Variants in TMTC1 observed in about 807,000 individuals in gnomAD.
The protein encoded by TMTC1 is transmembrane O-mannosyltransferase targeting cadherins 1.
Under a neutral mutation model 104.8 loss-of-function variants are expected in TMTC1, and 73 were observed. That is an observed-to-expected ratio of 0.70 (90% confidence interval 0.58 to 0.85). The LOEUF (loss-of-function observed/expected upper bound fraction) is 0.85. Among genes scored for constraint, TMTC1 ranks in the 40% least tolerant of loss-of-function variants. The pLI, the probability that TMTC1 is intolerant of heterozygous loss-of-function variation, is 0.00. For synonymous variants in TMTC1, 434 were observed against 428.7 expected, an observed-to-expected ratio of 1.01 and a Z score of -0.15; for missense variants, 1,035 against 1,096.1, an observed-to-expected ratio of 0.94 and a Z score of 0.79.
At chr12:29,549,945 G>C (rs998089739) in intron 10 of TMTC1, among the ~76,000 whole-genome samples, 23 of 152,154 alleles carry the variant, frequency 1.5e-4, no homozygotes, top group Admixed American at 1.4e-3. Context: ...TTGGATGACA[G>C]TCTAGAGTCC....
At chr12:29,708,343 CTTTA>C (rs1342341225) in intron 5 of TMTC1, among the ~76,000 whole-genome samples, 2 of 152,166 alleles carry the variant, frequency 1.3e-5, no homozygotes, top group South Asian at 2.1e-4. Context: ...ACTTAATGCA[CTTTA>C]TTTATTAAAT....
rs552161870 is a variant in TMTC1, at chr12:29,774,068, G to A, written c.303-5993C>T. 9.9e-5 allele frequency among the ~76,000 whole-genome samples: 15 copies of A among 152,228 alleles called. 1 individual carries two copies. The Middle Eastern group carries it at 0.014, about 138-fold the overall frequency. On this transcript the variant is annotated intron_variant, in intron 1 of 17. Coordinates refer to ENST00000539277, the MANE Select transcript of TMTC1 (RefSeq NM_001193451.2). Reference sequence around the variant, plus strand: ...TGCAGGTGGCATGTGATAAACGCATGCCAGCATTCCTATCTCAATAAGCCT... The same window carrying A: ...TGCAGGTGGCATGTGATAAACGCATACCAGCATTCCTATCTCAATAAGCCT...
intron 11 of TMTC1, among the ~76,000 whole-genome samples, chr12:29,523,593 G>T (rs890523215): frequency 6.6e-6 from 1 of 152,146 alleles, no homozygotes; most frequent in Non-Finnish European, 1.5e-5. Flanking sequence ...AAAATTGAGA[G>T]GTGAACCAAA....
At position 29,728,693 on chromosome 12, in the gene TMTC1, T is replaced by G. The variant is rs141864591; in HGVS notation, c.938+22973A>C. Among the ~76,000 whole-genome samples, 3 of 151,988 alleles carry G rather than the reference T, an allele frequency of 2.0e-5. No individual in the cohort carries two copies. The East Asian group carries it at 5.8e-4, about 30-fold the overall frequency. The stretch of plus-strand genomic sequence containing the variant: ...CATCCCCAGAAAATTCCCAAAAACG[T>G]GAAGGCTTAAAAAGCACTGCTCTGG... On this transcript the variant is annotated intron_variant, in intron 5 of 17. Transcript: ENST00000539277.
chr12:29,758,722 G>C lies in TMTC1; in HGVS notation c.536C>G (p.Ala179Gly), dbSNP rs758056381. The change falls in exon 3 of 18, where the codon GCC becomes GGC. Residue 179 changes from alanine to glycine, a missense_variant. Ala to Gly is a moderately conservative substitution (Grantham distance 60). Coordinates refer to ENST00000539277, the MANE Select transcript of TMTC1 (RefSeq NM_001193451.2). Reference protein sequence around the residue: ...DVLACLLFLLAFLSYNRSLDQ... With the variant: ...DVLACLLFLLGFLSYNRSLDQ... Reference sequence around the variant, plus strand: ...CACATACCTGTTGTACGAGAGAAAGGCCAATAGAAACAGCAGACACGCTAA... The same window carrying C: ...CACATACCTGTTGTACGAGAGAAAGCCCAATAGAAACAGCAGACACGCTAA... 6.2e-7 allele frequency: 1 copy of C among 1,613,636 alleles called. No homozygotes were observed. The highest frequency in any genetic ancestry group is 1.1e-5 in the South Asian group (1 of 91,002).
intron 7 of TMTC1, among the ~76,000 whole-genome samples, chr12:29,583,956 C>T (rs142515474): frequency 1.2e-3 from 178 of 152,228 alleles, no homozygotes; most frequent in African/African-American, 4.0e-3. Context: ...TGGCACTATG[C>T]GCCTAAATTC....
At chr12:29,507,092 T>C in intron 17 of TMTC1, 106 bp from the exon 18 acceptor site, 4 of 898,626 alleles carry the variant, frequency 4.5e-6, no homozygotes, top group Non-Finnish European at 7.1e-6. Flanking sequence ...TACATTAATG[T>C]TCTCATATGG....
At chr12:29,781,671 T>A (rs570575391) in intron 1 of TMTC1, among the ~76,000 whole-genome samples, 13 of 151,976 alleles carry the variant, frequency 8.6e-5, no homozygotes, top group South Asian at 6.2e-4. Context: ...ACAAAAAAAA[T>A]TTTAAAATAT....
chr12:29,735,325 G>A (rs1316517966), intron 5 of TMTC1, among the ~76,000 whole-genome samples: 1 of 152,166 alleles, frequency 6.6e-6, no homozygotes, highest in Non-Finnish European at 1.5e-5. Context: ...ATTATTAGCT[G>A]CATTTTTGCA....
intron 6 of TMTC1, 22 bp from the exon 7 acceptor site, chr12:29,604,321 G>A: frequency 6.2e-7 from 1 of 1,613,250 alleles, no homozygotes; most frequent in Non-Finnish European, 8.5e-7. Flanking sequence ...AATAGTGAAG[G>A]AAACATTAAC....
At chr12:29,631,638 C>T (rs543140434) in intron 6 of TMTC1, among the ~76,000 whole-genome samples, 15 of 152,196 alleles carry the variant, frequency 9.9e-5, no homozygotes, top group South Asian at 2.1e-4. Context: ...CCTGTTTCTT[C>T]GTATATCTAG....
At position 29,517,650 on chromosome 12, in the gene TMTC1, G is replaced by T. The variant is rs1944026819; in HGVS notation, c.2025-79C>A. On this transcript the variant is annotated intron_variant, in intron 13 of 17. Coordinates refer to ENST00000539277, the MANE Select transcript of TMTC1 (RefSeq NM_001193451.2). ...AATGTCTAGGCTTAGATTTAGGGAA[G>T]ACGGTCCATGGTTTGAACCTCTGCT... is the stretch of plus-strand genomic sequence containing the variant. 6 of 1,544,968 alleles carry T rather than the reference G, an allele frequency of 3.9e-6. No homozygotes were observed. The Admixed American group carries it at 1.0e-4, about 27-fold the overall frequency.
At chr12:29,692,900 A>G (rs190714872) in intron 5 of TMTC1, among the ~76,000 whole-genome samples, 4 of 144,354 alleles carry the variant, frequency 2.8e-5, no homozygotes, top group African/African-American at 7.7e-5. Context: ...ACAAAATAAC[A>G]CGTTTTATTA....
intron 7 of TMTC1, among the ~76,000 whole-genome samples, chr12:29,603,123 T>C (rs1946610564): frequency 6.6e-6 from 1 of 152,094 alleles, no homozygotes; most frequent in Non-Finnish European, 1.5e-5. Flanking sequence ...CAAGCACTCA[T>C]CTCCTTCCCA....
At chr12:29,523,542 T>C (rs1944244481) in intron 11 of TMTC1, among the ~76,000 whole-genome samples, 2 of 152,278 alleles carry the variant, frequency 1.3e-5, no homozygotes, top group African/African-American at 2.4e-5. Context: ...TTAAAATATG[T>C]AAGGAGGCAG....
chr12:29,700,326 G>C (rs940580945), intron 5 of TMTC1, among the ~76,000 whole-genome samples: 1 of 150,708 alleles, frequency 6.6e-6, no homozygotes, highest in Admixed American at 6.6e-5. Flanking sequence ...TCCGCCTCCC[G>C]GGTTCACGCC....
intron 10 of TMTC1, among the ~76,000 whole-genome samples, chr12:29,537,362 A>G (rs559193620): frequency 4.3e-4 from 66 of 152,266 alleles, no homozygotes; most frequent in African/African-American, 1.6e-3. Flanking sequence ...CACAACAATC[A>G]CATATGGTAG....
chr12:29,584,525 T>C (rs1946073986), intron 7 of TMTC1, among the ~76,000 whole-genome samples: 1 of 152,032 alleles, frequency 6.6e-6, no homozygotes, highest in South Asian at 2.1e-4. Flanking sequence ...ATGTGTCACG[T>C]TGGTGTGCTG....
intron 7 of TMTC1, among the ~76,000 whole-genome samples, chr12:29,596,222 G>A (rs1276373286): frequency 6.6e-6 from 1 of 152,158 alleles, no homozygotes; most frequent in East Asian, 1.9e-4. Context: ...GACCAGACTG[G>A]TCTTGAACTC....
Sources: gnomAD v4.1 joint callset for allele counts (sites outside exome capture counted in the v4.1 genomes callset) on GRCh38, gnomAD v4.1.1 for gene constraint, MANE v1.5 for transcripts, NCBI Gene and HGNC (gene_info 2026-07-23, HGNC 2026-07-21) for gene names.